The following ACYP2 variants were observed in gnomAD, a reference collection of about 807,000 sequenced individuals.
ACYP2 encodes acylphosphatase 2.
Under a neutral mutation model 11.2 loss-of-function variants are expected in ACYP2, and 12 were observed. The ratio of observed to expected loss-of-function variants is 1.08; its 90% CI spans 0.69 to 1.74. The LOEUF is 1.74. Among genes scored for constraint, ACYP2 ranks in the 40% most tolerant of loss-of-function variants. ACYP2 has a pLI of 0.00. For missense variants in ACYP2, 134 were observed against 101.9 expected (o/e 1.31, Z -1.35); for synonymous variants, 43 against 32.2 (o/e 1.33, Z -1.13).
intron 6 of ACYP2, among the ~76,000 whole-genome samples, chr2:54,185,750 A>G (rs1683958569): frequency 6.6e-6 from 1 of 152,166 alleles, no homozygotes; most frequent in South Asian, 2.1e-4. Flanking sequence ...TACAAAACCA[A>G]TCATATGCAG....
chr2:53,988,984 G>A (rs1672155533), intron 2 of ACYP2, among the ~76,000 whole-genome samples: 1 of 152,090 alleles, frequency 6.6e-6, no homozygotes. Flanking sequence ...CCTGACCTCA[G>A]GTGAACTTCT....
intron 6 of ACYP2, among the ~76,000 whole-genome samples, chr2:54,156,128 A>T (rs568661855): frequency 6.6e-6 from 1 of 152,280 alleles, no homozygotes; most frequent in Non-Finnish European, 1.5e-5. Flanking sequence ...TGTTGGATGG[A>T]AAATTCTACA....
chr2:54,191,840 G>A (rs62138036), intron 6 of ACYP2, among the ~76,000 whole-genome samples: 11,936 of 152,070 alleles, frequency 0.078, 752 homozygotes, highest in East Asian at 0.24. Context: ...GGATCAATAT[G>A]TAAGCATACG....
At chr2:54,165,533 TCTCACACACACA>T (rs1477446625) in intron 6 of ACYP2, among the ~76,000 whole-genome samples, 2 of 123,642 alleles carry the variant, frequency 1.6e-5, no homozygotes, top group Non-Finnish European at 3.4e-5. Flanking sequence ...TCTCTCTCTC[TCTCACACACACA>T]CACACACACA....
chr2:54,039,220 T>TG (rs914273834), intron 2 of ACYP2, among the ~76,000 whole-genome samples: 1 of 150,916 alleles, frequency 6.6e-6, no homozygotes, highest in African/African-American at 2.4e-5. Flanking sequence ...TTTGGAAGTT[T>TG]TTTTTTTTTT....
chr2:54,204,187 C>T (rs1048570516), intron 6 of ACYP2, among the ~76,000 whole-genome samples: 3 of 152,036 alleles, frequency 2.0e-5, no homozygotes, highest in South Asian at 2.1e-4. Flanking sequence ...TTAGTAGAGA[C>T]GGAATTTCAC....
intron 6 of ACYP2, among the ~76,000 whole-genome samples, chr2:54,160,491 G>C (rs1682663510): frequency 6.6e-6 from 1 of 152,202 alleles, no homozygotes; most frequent in Admixed American, 6.5e-5. Context: ...AAGACTGTAA[G>C]CTCCTTAAAG....
intron 4 of ACYP2, among the ~76,000 whole-genome samples, chr2:54,092,279 AC>A (rs1158201989): frequency 1.3e-5 from 2 of 152,312 alleles, no homozygotes; most frequent in African/African-American, 4.8e-5. Context: ...AGGGACAGGA[AC>A]CACATTTCAG....
chr2:53,975,098 G>A (rs544725796), intron 2 of ACYP2: 11 of 382,118 alleles, frequency 2.9e-5, no homozygotes, highest in East Asian at 2.6e-4. Context: ...GGTGGCGTGC[G>A]CCTGTAGTCC....
At chr2:53,972,800 C>T (rs370516009) in intron 1 of ACYP2, among the ~76,000 whole-genome samples, 1 of 152,102 alleles carries the variant, frequency 6.6e-6, no homozygotes, top group African/African-American at 2.4e-5. Context: ...AGAGACAAGA[C>T]GACGCTGGGT....
At chr2:53,980,505 C>G (rs139634017) in intron 2 of ACYP2, among the ~76,000 whole-genome samples, 20 of 152,044 alleles carry the variant, frequency 1.3e-4, no homozygotes, top group African/African-American at 4.8e-4. Flanking sequence ...ATTGCTTGAG[C>G]TAGGAGTTCA....
At chr2:54,033,076 A>G (rs1334114188) in intron 2 of ACYP2, among the ~76,000 whole-genome samples, 4 of 152,326 alleles carry the variant, frequency 2.6e-5, no homozygotes, top group East Asian at 3.9e-4. Context: ...CAAACTAATC[A>G]GGGTGAACAA....
At chr2:54,228,539 T>A (rs80111082) in intron 6 of ACYP2, among the ~76,000 whole-genome samples, 2,807 of 152,248 alleles carry the variant, frequency 0.018, 94 homozygotes, top group African/African-American at 0.064. Flanking sequence ...TTAACCAGTA[T>A]GCCAAACCAC....
At chr2:54,042,309 A>G (rs1296592242) in intron 2 of ACYP2, among the ~76,000 whole-genome samples, 1 of 152,140 alleles carries the variant, frequency 6.6e-6, no homozygotes, top group African/African-American at 2.4e-5. Context: ...CCCAGCCCAA[A>G]CTCACTTTAT....
chr2:54,235,749 T>A (rs906177771), intron 6 of ACYP2, among the ~76,000 whole-genome samples: 6 of 152,198 alleles, frequency 3.9e-5, no homozygotes, highest in African/African-American at 7.2e-5. Context: ...TTAGTTTTTA[T>A]AAAAGGTATG....
At chr2:54,019,461 C>T (rs1046240184) in intron 2 of ACYP2, among the ~76,000 whole-genome samples, 19 of 151,808 alleles carry the variant, frequency 1.3e-4, no homozygotes, top group South Asian at 4.2e-4. Context: ...ATTGCAACCT[C>T]GACCTCCTGG....
intron 6 of ACYP2, among the ~76,000 whole-genome samples, chr2:54,154,912 G>A (rs1682363273): frequency 6.6e-6 from 1 of 152,122 alleles, no homozygotes; most frequent in African/African-American, 2.4e-5. Context: ...TTTCTTTGAT[G>A]GGAAAGTTTG....
chr2:54,145,287 T>C (rs1334408120), intron 6 of ACYP2, among the ~76,000 whole-genome samples: 1 of 152,234 alleles, frequency 6.6e-6, no homozygotes, highest in Admixed American at 6.5e-5. Context: ...TATTTTGGAT[T>C]GATCAGCTAG....
At chr2:54,208,014 C>T (rs1391439982) in intron 6 of ACYP2, among the ~76,000 whole-genome samples, 1 of 152,088 alleles carries the variant, frequency 6.6e-6, no homozygotes, top group African/African-American at 2.4e-5. Flanking sequence ...CAGGACCTCC[C>T]ACAGATCCAT....
Sources: gnomAD v4.1 joint callset for allele counts (sites outside exome capture counted in the v4.1 genomes callset) on GRCh38, gnomAD v4.1.1 for gene constraint, MANE v1.5 for transcripts, NCBI Gene and HGNC (gene_info 2026-07-23, HGNC 2026-07-21) for gene names.